Variants in UGT1A8 observed in about 807,000 individuals in gnomAD.
UGT1A8 encodes the protein UDP-glucuronosyltransferase 1A8.
Under a neutral mutation model 45.3 loss-of-function variants are expected in UGT1A8, and 39 were observed. The observed-to-expected ratio is 0.86, with a 90% CI of 0.67 to 1.12. UGT1A8 has a LOEUF of 1.12. Among genes scored for constraint, UGT1A8 ranks in the 50% most tolerant of loss-of-function variants. UGT1A8 has a pLI of 0.00. For missense variants in UGT1A8, 719 were observed against 664.9 expected (o/e 1.08, Z -0.90); for synonymous variants, 275 against 249.2 (o/e 1.10, Z -0.97).
At chr2:233,631,204 T>C (rs1326999625) in intron 1 of UGT1A8, among the ~76,000 whole-genome samples, 1 of 152,170 alleles carries the variant, frequency 6.6e-6, no homozygotes, top group Non-Finnish European at 1.5e-5. Flanking sequence ...TATTCCATGG[T>C]GTATATGTGC....
At chr2:233,743,962 C>G (rs189644754) in intron 1 of UGT1A8, 1 of 1,331,618 alleles carries the variant, frequency 7.5e-7, no homozygotes, top group Non-Finnish European at 1.0e-6. Flanking sequence ...CAGCGAGCGG[C>G]AAGGCTGCCA....
At chr2:233,674,844 C>T (rs10189426) in intron 1 of UGT1A8, among the ~76,000 whole-genome samples, 12,360 of 152,166 alleles carry the variant, frequency 0.081, 832 homozygotes, top group East Asian at 0.17. Context: ...TATGGCCCAA[C>T]CACAGAAGTA....
At chr2:233,622,378 C>G (rs2073024585) in intron 1 of UGT1A8, among the ~76,000 whole-genome samples, 1 of 152,182 alleles carries the variant, frequency 6.6e-6, no homozygotes, top group South Asian at 2.1e-4. Context: ...TTCTCCACAT[C>G]CTCTCCAGCA....
intron 1 of UGT1A8, chr2:233,692,790 G>A (rs1279360815): frequency 1.5e-6 from 2 of 1,368,172 alleles, no homozygotes; most frequent in Non-Finnish European, 1.9e-6. Context: ...TCAGGTGAAA[G>A]CTGACACGGC....
intron 1 of UGT1A8, among the ~76,000 whole-genome samples, chr2:233,638,013 G>T (rs1396206171): frequency 6.6e-6 from 1 of 151,958 alleles, no homozygotes; most frequent in Non-Finnish European, 1.5e-5. Context: ...TGTGAATAAG[G>T]CTGTGTAAAC....
intron 4 of UGT1A8, 126 bp from the exon 5 acceptor site, chr2:233,772,136 A>G (rs1700469037): frequency 6.5e-7 from 1 of 1,547,408 alleles, no homozygotes; most frequent in Non-Finnish European, 8.7e-7. Flanking sequence ...AACAACAATA[A>G]TAGAAACAGG....
chr2:233,679,709 T>C (rs1352885373), intron 1 of UGT1A8, among the ~76,000 whole-genome samples: 1 of 152,214 alleles, frequency 6.6e-6, no homozygotes, highest in Non-Finnish European at 1.5e-5. Flanking sequence ...TCCTGTTATC[T>C]GGACAATTTT....
chr2:233,618,728 T>C (rs1244111081), intron 1 of UGT1A8, among the ~76,000 whole-genome samples, 166 bp downstream of exon 1: 1 of 152,222 alleles, frequency 6.6e-6, no homozygotes, highest in Non-Finnish European at 1.5e-5. Flanking sequence ...GTTATCAAAT[T>C]TTATAAAACT....
chr2:233,672,582 A>G (rs770437442), intron 1 of UGT1A8: 2 of 1,613,952 alleles, frequency 1.2e-6, no homozygotes, highest in Non-Finnish European at 1.7e-6. Flanking sequence ...ACTTGGAGGA[A>G]CATTTATTAT....
intron 1 of UGT1A8, among the ~76,000 whole-genome samples, chr2:233,628,311 T>C (rs986333911): frequency 1.4e-5 from 2 of 145,564 alleles, no homozygotes; most frequent in East Asian, 2.3e-4. Context: ...GTTTATGTGG[T>C]TTATATATAT....
At chr2:233,760,185 T>G in intron 1 of UGT1A8, 4 of 1,555,156 alleles carry the variant, frequency 2.6e-6, no homozygotes, top group Non-Finnish European at 3.5e-6. Context: ...CTTTTTATAG[T>G]CACGTGACAC....
intron 1 of UGT1A8, among the ~76,000 whole-genome samples, chr2:233,679,459 C>G (rs2074453167): frequency 6.6e-6 from 1 of 152,200 alleles, no homozygotes; most frequent in Non-Finnish European, 1.5e-5. Flanking sequence ...TGCATTTACA[C>G]AAAACAGTAG....
At chr2:233,667,693 C>G (rs185598816) in intron 1 of UGT1A8, among the ~76,000 whole-genome samples, 78 of 152,248 alleles carry the variant, frequency 5.1e-4, no homozygotes, top group African/African-American at 1.8e-3. Flanking sequence ...AAGAAAAAAT[C>G]AAACAGCCCC....
intron 1 of UGT1A8, among the ~76,000 whole-genome samples, chr2:233,677,778 A>C (rs2074399445): frequency 1.3e-5 from 2 of 152,202 alleles, no homozygotes; most frequent in Non-Finnish European, 1.5e-5. Flanking sequence ...GAGATTTTGC[A>C]AAGAACTTAA....
At chr2:233,748,043 G>C (rs1693846723) in intron 1 of UGT1A8, 13 of 1,613,298 alleles carry the variant, frequency 8.1e-6, no homozygotes, top group Non-Finnish European at 1.1e-5. Flanking sequence ...TCTTCATTGG[G>C]GGCATCAACT....
intron 1 of UGT1A8, among the ~76,000 whole-genome samples, chr2:233,623,203 A>G (rs2073040034): frequency 6.6e-6 from 1 of 152,170 alleles, no homozygotes. Flanking sequence ...TGTCTTGGCT[A>G]TATGGGCTCT....
intron 1 of UGT1A8, chr2:233,743,033 G>A: frequency 3.8e-6 from 1 of 265,158 alleles, no homozygotes; most frequent in Non-Finnish European, 7.4e-6. Context: ...ACAAACAGAG[G>A]TCCTATCCGT....
rs550603325 is a variant in UGT1A8, at chr2:233,620,019, G to A, written c.855+1457G>A. On this transcript the variant is annotated intron_variant, in intron 1 of 4. Transcript: ENST00000373450. ...GCTAAATCCAGATGAAACACCTGGTGTCTCATCTCATTATATTATTTTATT... is the reference window on the plus strand; with the variant it reads ...GCTAAATCCAGATGAAACACCTGGTATCTCATCTCATTATATTATTTTATT... 1.4e-4 allele frequency among the ~76,000 whole-genome samples: 22 copies of A among 152,220 alleles called. No homozygotes were observed. The East Asian group carries it at 4.0e-3, about 28-fold the overall frequency.
intron 1 of UGT1A8, among the ~76,000 whole-genome samples, chr2:233,638,583 G>C (rs1032108161): frequency 2.3e-4 from 35 of 152,104 alleles, no homozygotes; most frequent in Middle Eastern, 3.2e-3. Context: ...AAAAATCCTT[G>C]AAAAATACCA....
Sources: allele counts gnomAD v4.1 joint callset (sites outside exome capture counted in the v4.1 genomes callset), GRCh38; gene constraint gnomAD v4.1.1; transcripts MANE v1.5; gene names NCBI Gene and HGNC (gene_info 2026-07-23, HGNC 2026-07-21).